The following SCN10A variants were observed in gnomAD, a reference collection of about 807,000 sequenced individuals.
SCN10A encodes the protein sodium voltage-gated channel alpha subunit 10, also known as sodium channel protein type 10 subunit alpha.
A neutral mutation model predicts 170.7 loss-of-function variants in SCN10A; 162 were observed. The ratio of observed to expected loss-of-function variants is 0.95; its 90% CI spans 0.84 to 1.08. SCN10A has a LOEUF of 1.08. Among genes scored for constraint, SCN10A ranks in the 50% least tolerant of loss-of-function variants. SCN10A has a pLI of 0.00. For synonymous variants in SCN10A, 985 were observed against 904.6 expected, an observed-to-expected ratio of 1.09 and a Z score of -1.59; for missense variants, 2,527 against 2,436.9, an observed-to-expected ratio of 1.04 and a Z score of -0.78.
chr3:38,769,905 G>A (rs2126039837), intron 5 of SCN10A, among the ~76,000 whole-genome samples: 1 of 152,292 alleles, frequency 6.6e-6, no homozygotes, highest in Admixed American at 6.5e-5. Context: ...GTCCTGTGAT[G>A]TGATTGATCT....
At chr3:38,771,167 T>C in intron 5 of SCN10A, 112 bp downstream of exon 5, 1 of 1,164,656 alleles carries the variant, frequency 8.6e-7, no homozygotes, top group Non-Finnish European at 1.2e-6. Context: ...ACGTTCATGG[T>C]GTGAGTCTCC....
chr3:38,736,406 T>TGTGG (rs200174644), intron 15 of SCN10A, among the ~76,000 whole-genome samples: 3 of 134,774 alleles, frequency 2.2e-5, no homozygotes, highest in Non-Finnish European at 3.3e-5. Context: ...TGTGTGTGTG[T>TGTGG]TGTGGGATTG....
chr3:38,771,371 C>G lies in SCN10A; in HGVS notation c.507G>C (p.Leu169Phe). The stretch of plus-strand genomic sequence containing the variant: ...AAAATCCTCTTGCCAGTATCTTTAT[C>G]AAGGCTTCAAAGGTGTAAATGACAG... ...VFTVIYTFEALIKILARGFCL... is the reference protein window; with the variant it reads ...VFTVIYTFEAFIKILARGFCL... The change falls in exon 5 of 28, where the codon TTG becomes TTC. Residue 169 changes from leucine (L) to phenylalanine (F), a missense_variant. Transcript: ENST00000449082. 1 of 1,614,080 alleles carries G rather than the reference C, an allele frequency of 6.2e-7. No homozygotes were observed. The highest frequency in any genetic ancestry group is 8.5e-7 in the Non-Finnish European group (1 of 1,179,976).
At chr3:38,738,830 T>C (rs1285003213) in intron 15 of SCN10A, among the ~76,000 whole-genome samples, 2 of 152,226 alleles carry the variant, frequency 1.3e-5, no homozygotes, top group East Asian at 3.9e-4. Flanking sequence ...CCTGTGGCAC[T>C]TCTCCTGTAG....
intron 12 of SCN10A, among the ~76,000 whole-genome samples, chr3:38,751,319 G>T (rs2063744718): frequency 6.6e-6 from 1 of 152,118 alleles, no homozygotes; most frequent in Non-Finnish European, 1.5e-5. Flanking sequence ...TAGTTTCTAG[G>T]TGCCTCACTG....
At chr3:38,786,072 A>T (rs6799038) in intron 4 of SCN10A, among the ~76,000 whole-genome samples, 5,175 of 152,202 alleles carry the variant, frequency 0.034, 322 homozygotes, top group African/African-American at 0.12. Flanking sequence ...CAGTGTGGTG[A>T]TTCCTCAAGG....
In SCN10A at chr3:38,698,534, T is replaced by A. The variant is rs2063123381; in HGVS notation, c.4686A>T (p.Ser1562=). The A allele has an allele frequency of 6.2e-7, 1 of 1,612,284 alleles. No homozygotes were observed. ...ASLIFSAILK[S]LQSYFSPTLF... ...GCGTTGGGGAGAAGTAACTTTGAAG[T>A]GACTTAAGAATTGCAGAAAAAATCA... Residue 1562 remains serine, a synonymous_variant, in exon 28 of 28, where the codon TCA becomes TCT. Coordinates refer to ENST00000449082, the MANE Select transcript of SCN10A (RefSeq NM_006514.4).
intron 5 of SCN10A, among the ~76,000 whole-genome samples, chr3:38,770,347 A>G (rs1379443150): frequency 2.0e-5 from 3 of 152,164 alleles, no homozygotes; most frequent in Non-Finnish European, 4.4e-5. Flanking sequence ...TCAGCTACCA[A>G]GGCAGGTAGG....
chr3:38,757,711 G>T (rs2063824257), intron 8 of SCN10A, among the ~76,000 whole-genome samples: 1 of 152,294 alleles, frequency 6.6e-6, no homozygotes, highest in Middle Eastern at 3.4e-3. Context: ...GAAGTCAGTT[G>T]CCTAAAACTA....
Position 38,778,291 on chromosome 3 carries a change from G to A in SCN10A, c.471-6884C>T, listed in dbSNP as rs982059628. 4.0e-5 allele frequency among the ~76,000 whole-genome samples: 6 copies of A among 151,852 alleles called. No homozygotes were observed. The East Asian group carries it at 1.2e-3, about 29-fold the overall frequency. ...AATATTGTTATGCTTAGAGGTGAGT[G>A]TCCTAGGGTCATCAAAGAGCCCCTT... On this transcript the variant is annotated intron_variant, in intron 4 of 27. Transcript: ENST00000449082.
At chr3:38,779,630 A>G (rs6777775) in intron 4 of SCN10A, among the ~76,000 whole-genome samples, 60,704 of 151,716 alleles carry the variant, frequency 0.4, 12,324 homozygotes, top group Admixed American at 0.45. Context: ...TGATATAAAT[A>G]TTCTATGCTT....
intron 4 of SCN10A, 85 bp from the exon 5 acceptor site, chr3:38,771,492 T>C: frequency 7.4e-7 from 1 of 1,343,198 alleles, no homozygotes; most frequent in Non-Finnish European, 1.0e-6. Context: ...AGGGATGACC[T>C]GCTCTGACTG....
chr3:38,733,785 A>T (rs1575973029), intron 15 of SCN10A, among the ~76,000 whole-genome samples: 1 of 151,298 alleles, frequency 6.6e-6, no homozygotes, highest in Admixed American at 6.6e-5. Context: ...CAATGGTGCA[A>T]TCTCAGCTCA....
chr3:38,702,554 T>C (rs1157280980), intron 26 of SCN10A, among the ~76,000 whole-genome samples: 3 of 152,248 alleles, frequency 2.0e-5, no homozygotes, highest in Admixed American at 1.3e-4. Flanking sequence ...TCTTCTCTAC[T>C]AGACAATGAG....
intron 5 of SCN10A, among the ~76,000 whole-genome samples, chr3:38,765,276 C>T (rs1027984924): frequency 5.9e-5 from 9 of 151,996 alleles, no homozygotes; most frequent in Admixed American, 2.6e-4. Flanking sequence ...TGGTCAGGAA[C>T]GTTTTGCCTA....
At chr3:38,736,725 T>C (rs2063564604) in intron 15 of SCN10A, among the ~76,000 whole-genome samples, 1 of 151,882 alleles carries the variant, frequency 6.6e-6, no homozygotes, top group African/African-American at 2.4e-5. Context: ...GTGGAATAGA[T>C]CCCAAGAAAG....
chr3:38,719,426 C>A (rs1412233120), intron 20 of SCN10A, among the ~76,000 whole-genome samples: 1 of 112,356 alleles, frequency 8.9e-6, no homozygotes, highest in Non-Finnish European at 1.7e-5. Context: ...CGGAGTCTCG[C>A]TCTGTCGCCC....
chr3:38,722,291 G>C lies in SCN10A; in HGVS notation c.3474C>G (p.Ile1158Met), dbSNP rs145568435. 121 of 1,613,994 alleles carry C rather than the reference G, an allele frequency of 7.5e-5. No homozygotes were observed. The highest frequency in any genetic ancestry group is 9.6e-5 in the Non-Finnish European group (113 of 1,180,018). ...IVEHSWFESF[I>M]IFMILLSSGS... ...CACTGCTGAGCAGGATCATGAAGAT[G>C]ATGAAGCTCTCAAACCAGCTGTGCT... The change falls in exon 20 of 28, where the codon ATC becomes ATG. Residue 1158 changes from isoleucine to methionine, a missense_variant. Coordinates refer to ENST00000449082, the MANE Select transcript of SCN10A (RefSeq NM_006514.4).
chr3:38,746,063 G>GTATATA (rs1553619550), intron 13 of SCN10A, among the ~76,000 whole-genome samples: 6,406 of 61,294 alleles, frequency 0.1, 734 homozygotes, highest in Non-Finnish European at 0.17. Flanking sequence ...GTGTGTATGT[G>GTATATA]TATATATATA....
Sources: gnomAD v4.1 joint callset for allele counts (sites outside exome capture counted in the v4.1 genomes callset) on GRCh38, gnomAD v4.1.1 for gene constraint, MANE v1.5 for transcripts, NCBI Gene and HGNC (gene_info 2026-07-23, HGNC 2026-07-21) for gene names.